Variants in PXMP4 observed in about 807,000 individuals in gnomAD.
PXMP4 encodes the protein 24 kDa peroxisomal intrinsic membrane protein.
Under a neutral mutation model 21.6 loss-of-function variants are expected in PXMP4, and 16 were observed. The ratio of observed to expected loss-of-function variants is 0.74; its 90% confidence interval spans 0.50 to 1.13. The LOEUF (loss-of-function observed/expected upper bound fraction) is 1.13. Ranked by LOEUF, PXMP4 falls within the 50% of genes most tolerant of loss-of-function variation. The pLI is 0.00. For missense variants in PXMP4, 240 were observed against 277.7 expected, an observed-to-expected ratio of 0.86 and a Z score of 0.96; for synonymous variants, 127 against 123.8, an observed-to-expected ratio of 1.03 and a Z score of -0.17.
intron 2 of PXMP4, among the ~76,000 whole-genome samples, chr20:33,711,205 G>A (rs763117722): frequency 1.1e-4 from 17 of 152,176 alleles, no homozygotes; most frequent in Admixed American, 9.8e-4. Flanking sequence ...GTGGGGGTAC[G>A]ATTCTGAGAA....
Position 33,709,887 on chromosome 20 carries a change from T to G in PXMP4, c.375+668A>C, listed in dbSNP as rs185175281. Among the ~76,000 whole-genome samples the G allele has an allele frequency of 8.4e-3, 331 of 39,380 alleles. 1 individual carries two copies. Among genetic ancestry groups the G allele is most frequent in the African/African-American group, 0.027 (269 of 9,966 alleles). The allele number at this position is 39,380 out of a possible 152,430, so 25.8% of individuals were successfully genotyped here. Reference sequence around the variant, plus strand: ...CACGGAACCAGGCCCCTTCCCCCACTCCCACCTCCACACTGAACCACGCTC... The same window carrying G: ...CACGGAACCAGGCCCCTTCCCCCACGCCCACCTCCACACTGAACCACGCTC... On this transcript the variant is annotated intron_variant, in intron 3 of 3. Transcript: ENST00000409299.
rs2018238256 is a variant in PXMP4 at position 33,704,561 on chromosome 20, AG to A, written c.*3144del. Reference sequence around the variant, plus strand: ...TCATTCAACCTCCACAGCAAGTTAAAGGAACTTCATAATTACCTACTCCAAG... The same window carrying A: ...TCATTCAACCTCCACAGCAAGTTAAAGAACTTCATAATTACCTACTCCAAG... On this transcript the variant is annotated 3_prime_UTR_variant, in exon 4 of 4. Coordinates refer to ENST00000409299, the MANE Select transcript of PXMP4 (RefSeq NM_007238.5). The A allele has an allele frequency of 6.6e-6, 1 of 152,276 alleles. No individual in the cohort carries two copies. The highest frequency in any genetic ancestry group is 1.5e-5 in the Non-Finnish European group (1 of 68,068). 9.4% of individuals were successfully genotyped at this position (152,276 alleles called of 1,614,324 possible).
At chr20:33,714,570 A>G in intron 2 of PXMP4, 104 bp downstream of exon 2, 1 of 1,134,436 alleles carries the variant, frequency 8.8e-7, no homozygotes, top group Non-Finnish European at 1.3e-6. Context: ...GTTGAACTTT[A>G]GAAGGCGTGA....
Position 33,708,004 on chromosome 20 carries a change from CA to C in PXMP4, c.376-36del, listed in dbSNP as rs891994997. 3.1e-6 allele frequency: 5 copies of C among 1,587,368 alleles called. No individual in the cohort carries two copies. In the Admixed American group the frequency reaches 6.9e-5, roughly 22 times the overall value. On this transcript the variant is annotated intron_variant, in intron 3 of 3. Transcript: ENST00000409299. ...GGGAATGATGGGAATTACTGGTGAT[CA>C]ATAGTGATGTCCCTCTTTTGTTTTT...
At chr20:33,708,182 A>ATTTTT (rs553959918) in intron 3 of PXMP4, among the ~76,000 whole-genome samples, 1 of 137,152 alleles carries the variant, frequency 7.3e-6, no homozygotes, top group African/African-American at 2.7e-5. Context: ...TTCTGTACTA[A>ATTTTT]TTTTTTTTTT....
At chr20:33,709,899 A>C (rs1601203696) in intron 3 of PXMP4, among the ~76,000 whole-genome samples, 1 of 87,764 alleles carries the variant, frequency 1.1e-5, no homozygotes, top group Non-Finnish European at 2.2e-5. Context: ...CCACCTCCAC[A>C]CTGAACCACG....
chr20:33,711,628 G>A (rs978108678), intron 2 of PXMP4, among the ~76,000 whole-genome samples: 1 of 151,910 alleles, frequency 6.6e-6, no homozygotes, highest in Non-Finnish European at 1.5e-5. Flanking sequence ...CAACACTTTG[G>A]GAGGCTGAGC....
chr20:33,719,250 C>A (rs1022010292), intron 1 of PXMP4, among the ~76,000 whole-genome samples: 1 of 152,168 alleles, frequency 6.6e-6, no homozygotes. Context: ...AGTACTAGTA[C>A]CATGCCCATT....
intron 2 of PXMP4, 126 bp from the exon 3 acceptor site, chr20:33,710,879 T>C: frequency 1.1e-6 from 1 of 924,508 alleles, no homozygotes; most frequent in Non-Finnish European, 1.6e-6. Context: ...CACCGGCCTC[T>C]ACCCTTCATG....
At position 33,715,319 on chromosome 20, in the gene PXMP4, T is replaced by C. The variant is rs952935564; in HGVS notation, c.114-583A>G. Among the ~76,000 whole-genome samples, 5 of 151,414 alleles carry C rather than the reference T, an allele frequency of 3.3e-5. No individual in the cohort carries two copies. In the East Asian group the frequency reaches 9.7e-4, roughly 29 times the overall value. ...CCATGCCAGGCTAATTTTTGTATTT[T>C]TAGTAGAGATGGAGTTTCACCATGT... On this transcript the variant is annotated intron_variant, in intron 1 of 3. Coordinates refer to ENST00000409299, the MANE Select transcript of PXMP4 (RefSeq NM_007238.5).
At chr20:33,708,401 G>A (rs2122579853) in intron 3 of PXMP4, among the ~76,000 whole-genome samples, 1 of 151,984 alleles carries the variant, frequency 6.6e-6, no homozygotes, top group South Asian at 2.1e-4. Flanking sequence ...TGGCCAGGAT[G>A]GTCCTGAACT....
intron 2 of PXMP4, among the ~76,000 whole-genome samples, chr20:33,714,391 TG>T (rs2018362035): frequency 6.6e-6 from 1 of 151,934 alleles, no homozygotes; most frequent in African/African-American, 2.4e-5. Flanking sequence ...TGGTGGTGGG[TG>T]CCTATAGTCC....
At position 33,706,630 on chromosome 20, in the gene PXMP4, G is replaced by A. The variant is rs2018259474; in HGVS notation, c.*1076C>T. ...CCCAAGGTTACACAGTGGGGGAGTG[G>A]GGACTCAAACCCATGTCCTCTAGCT... is the stretch of plus-strand genomic sequence containing the variant. On this transcript the variant is annotated 3_prime_UTR_variant, in exon 4 of 4. Transcript: ENST00000409299. 6.6e-6 allele frequency: 1 copy of A among 151,946 alleles called. No individual in the cohort carries two copies. The highest frequency in any genetic ancestry group is 6.6e-5 in the Admixed American group (1 of 15,244). 9.4% of individuals were successfully genotyped at this position (151,946 alleles called of 1,614,324 possible).
Position 33,710,692 on chromosome 20 carries a change from G to T in PXMP4, c.238C>A (p.Arg80=). 1 of 1,613,794 alleles carries T rather than the reference G, an allele frequency of 6.2e-7. No homozygotes were observed. Among genetic ancestry groups the T allele is most frequent in the South Asian group, 1.1e-5 (1 of 91,072 alleles). ...ATYIHSWNLA[R]FVFTYKGLRA... ...AGACCCTTGTAGGTGAACACAAACC[G>T]TGCCAGGTTCCAGGAGTGGATATAT... Residue 80 remains arginine, a synonymous_variant, in exon 3 of 4, where the codon CGG becomes AGG. Transcript: ENST00000409299.
In PXMP4 at chr20:33,702,802, T is replaced by C. The variant is rs1415673092; in HGVS notation, c.*4904A>G. The C allele has an allele frequency of 6.6e-6, 1 of 152,216 alleles. No individual in the cohort carries two copies. The highest frequency in any genetic ancestry group is 1.5e-5 in the Non-Finnish European group (1 of 68,044). The allele number at this position is 152,216 out of a possible 1,614,324, so 9.4% of individuals were successfully genotyped here. On this transcript the variant is annotated 3_prime_UTR_variant, in exon 4 of 4. Coordinates refer to ENST00000409299, the MANE Select transcript of PXMP4 (RefSeq NM_007238.5). ...ATTTTAGTCTTACATGTCAAAAGAA[T>C]TAACAGGATTGTAGCAGGTGTTTAG...
At chr20:33,714,873 C>T in intron 1 of PXMP4, 137 bp from the exon 2 acceptor site, 1 of 821,730 alleles carries the variant, frequency 1.2e-6, no homozygotes, top group Non-Finnish European at 2.1e-6. Flanking sequence ...ATGCTGGATG[C>T]AAATCCTGGC....
chr20:33,711,220 C>T (rs1192587787), intron 2 of PXMP4, among the ~76,000 whole-genome samples: 2 of 152,142 alleles, frequency 1.3e-5, no homozygotes, highest in African/African-American at 4.8e-5. Context: ...TGAGAAGAAA[C>T]AGATCTGCTC....
At chr20:33,712,531 C>T (rs2018339190) in intron 2 of PXMP4, among the ~76,000 whole-genome samples, 1 of 152,122 alleles carries the variant, frequency 6.6e-6, no homozygotes, top group Admixed American at 6.6e-5. Flanking sequence ...CTCACTGCAA[C>T]CTCTTCCTCC....
At chr20:33,708,331 T>G (rs1307997841) in intron 3 of PXMP4, among the ~76,000 whole-genome samples, 1 of 151,718 alleles carries the variant, frequency 6.6e-6, no homozygotes, top group Non-Finnish European at 1.5e-5. Context: ...GGATTACAGG[T>G]GGCGCCCACC....
Sources: allele counts gnomAD v4.1 joint callset (sites outside exome capture counted in the v4.1 genomes callset), GRCh38; gene constraint gnomAD v4.1.1; transcripts MANE v1.5; gene names NCBI Gene and HGNC (gene_info 2026-07-23, HGNC 2026-07-21).